TNKS: variants seen among roughly 807,000 people sequenced by gnomAD.
The protein encoded by TNKS is tankyrase, also known as poly [ADP-ribose] polymerase tankyrase-1.
A neutral mutation model predicts 135.8 loss-of-function variants in TNKS; 72 were observed. The observed-to-expected ratio is 0.53, with a 90% CI of 0.44 to 0.64. The LOEUF (loss-of-function observed/expected upper bound fraction) is 0.64, where lower values mean the gene tolerates loss of function less well. Ranked by LOEUF, TNKS falls within the 30% of genes least tolerant of loss-of-function variation. The pLI is 0.00. For synonymous variants in TNKS, 849 were observed against 649.3 expected (o/e 1.31, Z -4.68); for missense variants, 1,769 against 1,674.0 (o/e 1.06, Z -0.99).
chr8:9,777,702 A>C lies in TNKS; in HGVS notation c.*966A>C, dbSNP rs970817040. On this transcript the variant is annotated 3_prime_UTR_variant, in exon 27 of 27. Transcript: ENST00000310430. ...AATGGATCCAGGGGATGCCTCCAAA[A>C]AATACATGCTTCCCTTCCCTTAATC... The C allele has an allele frequency of 5.3e-5, 8 of 152,172 alleles. No homozygotes were observed. Among genetic ancestry groups the C allele is most frequent in the African/African-American group, 1.9e-4 (8 of 41,440 alleles). The allele number at this position is 152,172 out of a possible 1,614,324, so 9.4% of individuals were successfully genotyped here. A position where few individuals can be genotyped will look rare whatever the true frequency, so the allele number is the denominator to read the frequency against.
intron 14 of TNKS, among the ~76,000 whole-genome samples, chr8:9,732,508 A>G (rs1330538451): frequency 6.6e-6 from 1 of 151,890 alleles, no homozygotes; most frequent in African/African-American, 2.4e-5. Context: ...AAACTGTTTC[A>G]GTGCATTGGA....
intron 2 of TNKS, among the ~76,000 whole-genome samples, chr8:9,594,399 A>C (rs992820893): frequency 6.6e-6 from 1 of 152,208 alleles, no homozygotes; most frequent in Admixed American, 6.5e-5. Flanking sequence ...AAAAATTAAA[A>C]ATTTAGTTTC....
intron 19 of TNKS, 109 bp downstream of exon 19, chr8:9,751,955 G>A (rs965484413): frequency 1.0e-6 from 1 of 965,480 alleles, no homozygotes; most frequent in African/African-American, 1.6e-5. Flanking sequence ...CGTCCTGTCT[G>A]TAAATTTTCA....
chr8:9,565,419 G>T (rs1451781692), intron 1 of TNKS, among the ~76,000 whole-genome samples: 2 of 152,130 alleles, frequency 1.3e-5, no homozygotes, highest in East Asian at 1.9e-4. Flanking sequence ...TTCTTCTTTG[G>T]TATATTTTCT....
intron 2 of TNKS, among the ~76,000 whole-genome samples, chr8:9,614,897 G>A (rs1799582685): frequency 6.6e-6 from 1 of 152,114 alleles, no homozygotes; most frequent in Admixed American, 6.6e-5. Context: ...AGAATTCCCA[G>A]TAGCTACTTT....
intron 3 of TNKS, among the ~76,000 whole-genome samples, chr8:9,644,025 G>A (rs2128777805): frequency 6.6e-6 from 1 of 152,266 alleles, no homozygotes; most frequent in South Asian, 2.1e-4. Context: ...AGTCACAAAA[G>A]GACAGATAAT....
intron 5 of TNKS, among the ~76,000 whole-genome samples, chr8:9,697,196 G>C (rs1329250341): frequency 2.0e-5 from 3 of 152,142 alleles, no homozygotes; most frequent in African/African-American, 7.2e-5. Flanking sequence ...AAGAATTAAT[G>C]GGGAAAGGAT....
Position 9,780,823 on chromosome 8 carries a change from A to G in TNKS, c.*4087A>G, listed in dbSNP as rs960369328. On this transcript the variant is annotated 3_prime_UTR_variant, in exon 27 of 27. Coordinates refer to ENST00000310430, the MANE Select transcript of TNKS (RefSeq NM_003747.3). Reference sequence around the variant, plus strand: ...CATAAGTAATATTCCCTTACATGCAATGGAGCTGATTAAAATTAATCCATT... The same window carrying G: ...CATAAGTAATATTCCCTTACATGCAGTGGAGCTGATTAAAATTAATCCATT... The G allele has an allele frequency of 5.9e-5, 9 of 152,290 alleles. No individual in the cohort carries two copies. The highest frequency in any genetic ancestry group is 3.4e-3 in the Middle Eastern group (1 of 294). The allele number at this position is 152,290 out of a possible 1,614,324, so 9.4% of individuals were successfully genotyped here.
At chr8:9,721,791 C>T (rs377235844) in intron 12 of TNKS, among the ~76,000 whole-genome samples, 13 of 152,112 alleles carry the variant, frequency 8.5e-5, no homozygotes, top group East Asian at 1.9e-4. Context: ...TGGTGGCTGA[C>T]GCCTGTAATC....
chr8:9,627,540 A>ATTGCTTGC (rs36130596), intron 3 of TNKS, among the ~76,000 whole-genome samples: 4,399 of 148,314 alleles, frequency 0.03, 138 homozygotes, highest in East Asian at 0.046. Flanking sequence ...CTGTGGCAAA[A>ATTGCTTGC]TTGCTTGCTT....
chr8:9,748,641 C>T (rs1806365116), intron 18 of TNKS, among the ~76,000 whole-genome samples: 1 of 152,206 alleles, frequency 6.6e-6, no homozygotes, highest in African/African-American at 2.4e-5. Context: ...ACTGCATCAT[C>T]TTCCGTGAAC....
intron 3 of TNKS, among the ~76,000 whole-genome samples, chr8:9,664,778 A>G (rs1326577160): frequency 6.6e-6 from 1 of 152,218 alleles, no homozygotes; most frequent in Non-Finnish European, 1.5e-5. Flanking sequence ...CAAGTATACA[A>G]CTGTTAATAA....
chr8:9,566,243 GT>G (rs1797534532), intron 1 of TNKS: 3 of 152,022 alleles, frequency 2.0e-5, no homozygotes. Context: ...ACCAACTTAT[GT>G]TTTTCTTCTT....
At position 9,598,560 on chromosome 8, in the gene TNKS, G is replaced by A. The variant is rs369529394; in HGVS notation, c.899-17022G>A. 3.3e-5 allele frequency among the ~76,000 whole-genome samples: 5 copies of A among 151,338 alleles called. No individual in the cohort carries two copies. In the East Asian group the frequency reaches 9.8e-4, roughly 30 times the overall value. ...AAAACAGAAAAATTAGCTGGGCATGGTGGTGCATGCCTGTAGTCCTAGCTA... is the reference window on the plus strand; with the variant it reads ...AAAACAGAAAAATTAGCTGGGCATGATGGTGCATGCCTGTAGTCCTAGCTA... On this transcript the variant is annotated intron_variant, in intron 2 of 26. Transcript: ENST00000310430.
intron 21 of TNKS, among the ~76,000 whole-genome samples, chr8:9,762,123 A>T (rs1243233953): frequency 6.6e-6 from 1 of 152,156 alleles, no homozygotes; most frequent in Non-Finnish European, 1.5e-5. Flanking sequence ...TTACAATCTA[A>T]CCTTTCTTAA....
rs1294935349 is a variant in TNKS, at chr8:9,734,857, C to A, written c.2314-8C>A. The A allele has an allele frequency of 1.9e-6, 3 of 1,606,280 alleles. No homozygotes were observed. In the Admixed American group the frequency reaches 5.1e-5, roughly 27 times the overall value. On this transcript the variant is annotated splice_region_variant and splice_polypyrimidine_tract_variant and intron_variant, in intron 15 of 26. Transcript: ENST00000310430. ...ATACAAACCCCATTTGGTTTTTCTT[C>A]TTTGTAGCATGGAGCAGATCCAACT...
chr8:9,729,719 C>G (rs939443314), intron 13 of TNKS, among the ~76,000 whole-genome samples: 1 of 149,160 alleles, frequency 6.7e-6, no homozygotes, highest in Non-Finnish European at 1.5e-5. Context: ...GGTTTGTTAT[C>G]TATCAACTTC....
chr8:9,637,436 T>TA (rs1468394331), intron 3 of TNKS, among the ~76,000 whole-genome samples: 1 of 152,154 alleles, frequency 6.6e-6, no homozygotes, highest in Non-Finnish European at 1.5e-5. Context: ...CCCAGGTGAA[T>TA]AAAAAATACT....
chr8:9,671,017 A>G (rs1802247365), intron 3 of TNKS: 1 of 152,172 alleles, frequency 6.6e-6, no homozygotes, highest in Non-Finnish European at 1.5e-5. Context: ...AGATGTGCAA[A>G]TTAGTTCAGG....
Sources: gnomAD v4.1 joint callset for allele counts (sites outside exome capture counted in the v4.1 genomes callset) on GRCh38, gnomAD v4.1.1 for gene constraint, MANE v1.5 for transcripts, NCBI Gene and HGNC (gene_info 2026-07-23, HGNC 2026-07-21) for gene names.